The following TAFA4 variants were observed in gnomAD, a reference collection of about 807,000 sequenced individuals.
TAFA4 encodes the protein chemokine-like protein TAFA-4.
TAFA4 carries 20 observed loss-of-function variants against 21.1 expected under a neutral mutation model. The observed-to-expected ratio is 0.95, with a 90% confidence interval of 0.67 to 1.38. The LOEUF (loss-of-function observed/expected upper bound fraction) is 1.38, where lower values mean the gene tolerates loss of function less well. Ranked by LOEUF, TAFA4 falls within the 40% of genes most tolerant of loss-of-function variation. TAFA4 has a pLI of 0.00. For synonymous variants in TAFA4, 71 were observed against 67.4 expected (o/e 1.05, Z -0.26); for missense variants, 211 against 180.9 (o/e 1.17, Z -0.95).
intron 3 of TAFA4, among the ~76,000 whole-genome samples, chr3:68,768,803 T>A (rs181044599): frequency 3.9e-4 from 60 of 152,232 alleles, no homozygotes; most frequent in Non-Finnish European, 7.1e-4. Flanking sequence ...CATGGACGAA[T>A]CTGGAAGACA....
chr3:68,928,345 ATGT>A (rs1242001645), intron 1 of TAFA4, among the ~76,000 whole-genome samples: 1 of 152,206 alleles, frequency 6.6e-6, no homozygotes, highest in Non-Finnish European at 1.5e-5. Context: ...CCAGAAAATA[ATGT>A]TGTACCAAAT....
At chr3:68,817,315 T>G (rs1263145985) in intron 3 of TAFA4, among the ~76,000 whole-genome samples, 3 of 152,202 alleles carry the variant, frequency 2.0e-5, no homozygotes, top group Non-Finnish European at 4.4e-5. Context: ...AGTAACATCT[T>G]CAGACTCTAC....
At chr3:68,736,732 C>G (rs940985274) in intron 5 of TAFA4, among the ~76,000 whole-genome samples, 1 of 152,072 alleles carries the variant, frequency 6.6e-6, no homozygotes, top group Non-Finnish European at 1.5e-5. Context: ...AAGCTAGTCA[C>G]AGATCCACAA....
chr3:68,904,750 C>A (rs949101404), intron 1 of TAFA4, among the ~76,000 whole-genome samples: 1 of 152,218 alleles, frequency 6.6e-6, no homozygotes, highest in African/African-American at 2.4e-5. Flanking sequence ...GGAGGTGAGG[C>A]CATTTATTTA....
At chr3:68,879,870 G>A (rs762763266) in intron 3 of TAFA4, among the ~76,000 whole-genome samples, 28 of 152,162 alleles carry the variant, frequency 1.8e-4, no homozygotes, top group Non-Finnish European at 3.5e-4. Flanking sequence ...TAGGGTTCAG[G>A]CATCACTCTT....
rs9847917 is a variant in TAFA4 at position 68,842,428 on chromosome 3, G to C, written c.130+38302C>G. ...TTGTAAATTTGTTTAAGCTCTTTGT[G>C]GATTCTGGATATTAGCCCTTTGTCA... is the stretch of plus-strand genomic sequence containing the variant. On this transcript the variant is annotated intron_variant, in intron 3 of 5. Coordinates refer to ENST00000295569, the MANE Select transcript of TAFA4 (RefSeq NM_182522.5). Among the ~76,000 whole-genome samples, 970 of 152,088 alleles carry C rather than the reference G, an allele frequency of 6.4e-3. 11 individuals carry two copies. The highest frequency in any genetic ancestry group is 0.022 in the African/African-American group (901 of 41,502).
chr3:68,893,868 G>C (rs2089757865), intron 1 of TAFA4, among the ~76,000 whole-genome samples: 1 of 152,024 alleles, frequency 6.6e-6, no homozygotes, highest in Non-Finnish European at 1.5e-5. Flanking sequence ...TTTTGACTAT[G>C]CTAACATTTT....
chr3:68,917,753 CAAAAAA>C (rs55853026), intron 1 of TAFA4, among the ~76,000 whole-genome samples: 2 of 58,188 alleles, frequency 3.4e-5, no homozygotes, highest in African/African-American at 1.3e-4. Flanking sequence ...GACTCTGTCT[CAAAAAA>C]AAAAAAAAAA....
intron 3 of TAFA4, among the ~76,000 whole-genome samples, chr3:68,783,705 G>GAA (rs752071251): frequency 7.0e-5 from 7 of 100,538 alleles, no homozygotes; most frequent in African/African-American, 1.6e-4. Flanking sequence ...GAGAGAGAGA[G>GAA]AGAAAGAAAA....
At position 68,853,646 on chromosome 3, in the gene TAFA4, T is replaced by C. The variant is rs533832220; in HGVS notation, c.130+27084A>G. On this transcript the variant is annotated intron_variant, in intron 3 of 5. Coordinates refer to ENST00000295569, the MANE Select transcript of TAFA4 (RefSeq NM_182522.5). The stretch of plus-strand genomic sequence containing the variant: ...GTCTTACCATCTGTTTTCCATAATA[T>C]GCCCCCTTTATTAATTATTCATTTC... 7.2e-5 allele frequency among the ~76,000 whole-genome samples: 11 copies of C among 152,314 alleles called. No homozygotes were observed. In the East Asian group the frequency reaches 2.1e-3, roughly 29 times the overall value.
intron 3 of TAFA4, among the ~76,000 whole-genome samples, chr3:68,850,653 G>C (rs1056606586): frequency 1.3e-5 from 2 of 152,034 alleles, no homozygotes; most frequent in Admixed American, 6.5e-5. Flanking sequence ...GTGATGTCAA[G>C]CTTTTTTTCA....
Position 68,739,085 on chromosome 3 carries a change from T to C in TAFA4, c.401A>G (p.Lys134Arg), listed in dbSNP as rs771925282. ...GWSCSSGNKV[K>R]TTKVTR Reference sequence around the variant, plus strand: ...TTTGTCTATACTTGCCTTCGTAGTTTTGACTTTATTGCCACTGCTACAGGA... The same window carrying C: ...TTTGTCTATACTTGCCTTCGTAGTTCTGACTTTATTGCCACTGCTACAGGA... The change falls in exon 5 of 6, where the codon AAA becomes AGA. Residue 134 changes from lysine to arginine, a missense_variant. Physicochemically the swap from Lys to Arg is conservative, Grantham distance 26 (BLOSUM62 2). Coordinates refer to ENST00000295569, the MANE Select transcript of TAFA4 (RefSeq NM_182522.5). 157 of 1,613,720 alleles carry C rather than the reference T, an allele frequency of 9.7e-5. No homozygotes were observed. The highest frequency in any genetic ancestry group is 1.3e-4 in the Non-Finnish European group (152 of 1,179,842).
At chr3:68,928,898 T>G (rs1036932186) in intron 1 of TAFA4, among the ~76,000 whole-genome samples, 2 of 152,002 alleles carry the variant, frequency 1.3e-5, no homozygotes, top group Non-Finnish European at 2.9e-5. Flanking sequence ...CTACCCCTGA[T>G]CTTCTAGAAA....
rs1055066814 is a variant in TAFA4, at chr3:68,732,332, T to C, written c.*810A>G. 1 of 152,598 alleles carries C rather than the reference T, an allele frequency of 6.6e-6. No individual in the cohort carries two copies. Among genetic ancestry groups the C allele is most frequent in the Non-Finnish European group, 1.5e-5 (1 of 68,026 alleles). 9.5% of individuals were successfully genotyped at this position (152,598 alleles called of 1,614,324 possible). On this transcript the variant is annotated 3_prime_UTR_variant, in exon 6 of 6. Coordinates refer to ENST00000295569, the MANE Select transcript of TAFA4 (RefSeq NM_182522.5). ...TCTAAGAAATAACCCTTGATCTAAATTGAGATTGTTTTATATTTTAAATGA... is the reference window on the plus strand; with the variant it reads ...TCTAAGAAATAACCCTTGATCTAAACTGAGATTGTTTTATATTTTAAATGA...
At chr3:68,911,336 G>T (rs2089960070) in intron 1 of TAFA4, among the ~76,000 whole-genome samples, 1 of 152,182 alleles carries the variant, frequency 6.6e-6, no homozygotes, top group Non-Finnish European at 1.5e-5. Flanking sequence ...TGTCCAATTA[G>T]AATCAAATGT....
At chr3:68,773,289 T>A (rs1702991954) in intron 3 of TAFA4, among the ~76,000 whole-genome samples, 1 of 152,174 alleles carries the variant, frequency 6.6e-6, no homozygotes, top group Admixed American at 6.5e-5. Context: ...TAGTTTCCAT[T>A]TTATTATAAA....
intron 1 of TAFA4, among the ~76,000 whole-genome samples, chr3:68,895,953 CCTCA>C: frequency 6.6e-6 from 1 of 152,226 alleles, no homozygotes; most frequent in East Asian, 1.9e-4. Context: ...GATGGCCTGG[CCTCA>C]CTGAGAAGGT....
chr3:68,757,362 C>A (rs1216825250), intron 3 of TAFA4, among the ~76,000 whole-genome samples: 1 of 152,140 alleles, frequency 6.6e-6, no homozygotes, highest in Non-Finnish European at 1.5e-5. Context: ...CACCACCTCA[C>A]AGGCCCTCTC....
chr3:68,858,498 T>A (rs765205728), intron 3 of TAFA4, among the ~76,000 whole-genome samples: 1 of 151,986 alleles, frequency 6.6e-6, no homozygotes, highest in African/African-American at 2.4e-5. Context: ...TTTTCCTTTT[T>A]GACCAATTGA....
Sources: allele counts gnomAD v4.1 joint callset (sites outside exome capture counted in the v4.1 genomes callset), GRCh38; gene constraint gnomAD v4.1.1; transcripts MANE v1.5; gene names NCBI Gene and HGNC (gene_info 2026-07-23, HGNC 2026-07-21).